FBXL5: variants seen among roughly 807,000 people sequenced by gnomAD.
FBXL5 encodes the protein F-box/LRR-repeat protein 5.
Under a neutral mutation model 78.3 loss-of-function variants are expected in FBXL5, and 26 were observed. The observed-to-expected ratio is 0.33, with a 90% CI of 0.24 to 0.46. The LOEUF is 0.46. FBXL5 is among the 20% of genes least tolerant of loss of function. The pLI, the probability that FBXL5 is intolerant of heterozygous loss-of-function variation, is 1.00. For missense variants in FBXL5, 710 were observed against 829.2 expected (o/e 0.86, Z 1.77); for synonymous variants, 295 against 282.5 (o/e 1.04, Z -0.45).
chr4:15,681,009 CAA>C (rs1471270914), intron 1 of FBXL5, among the ~76,000 whole-genome samples: 20 of 150,322 alleles, frequency 1.3e-4, no homozygotes, highest in Admixed American at 4.0e-4. Context: ...TGGTTTGTGA[CAA>C]AGATGCACTT....
chr4:15,640,951 A>C, intron 2 of FBXL5, 68 bp from the exon 3 acceptor site: 2 of 833,962 alleles, frequency 2.4e-6, no homozygotes, highest in Non-Finnish European at 3.6e-6. Flanking sequence ...GGTCCCAGGA[A>C]GTTTAAAATG....
chr4:15,639,801 C>T (rs763294777), intron 3 of FBXL5, among the ~76,000 whole-genome samples: 5 of 152,082 alleles, frequency 3.3e-5, no homozygotes, highest in South Asian at 2.1e-4. Context: ...AAAATACTAT[C>T]GGGGTTTCTT....
chr4:15,633,136 G>A lies in FBXL5; in HGVS notation c.767-2345C>T, dbSNP rs576490854. ...ACTATGACAGGTGGGTTCGATTAAC[G>A]ATAATAATCAATTAACCAAAGTTCA... On this transcript the variant is annotated intron_variant, in intron 5 of 10. Coordinates refer to ENST00000341285, the MANE Select transcript of FBXL5 (RefSeq NM_012161.4). 7.9e-5 allele frequency among the ~76,000 whole-genome samples: 12 copies of A among 152,232 alleles called. No homozygotes were observed. In the South Asian group the frequency reaches 1.0e-3, roughly 13 times the overall value.
chr4:15,654,975 G>C (rs1304852500), intron 1 of FBXL5, among the ~76,000 whole-genome samples: 1 of 151,586 alleles, frequency 6.6e-6, no homozygotes, highest in Non-Finnish European at 1.5e-5. Flanking sequence ...AGGGGACGCC[G>C]CCCGCCCCGA....
rs1721787173 is a variant in FBXL5 at position 15,604,951 on chromosome 4, T to C, written c.*772A>G. ...AAAGACAAAGTATGTAGTCCTATTC[T>C]ATACTAAAGTAAACCTGGATTGAGA... On this transcript the variant is annotated 3_prime_UTR_variant, in exon 11 of 11. Coordinates refer to ENST00000341285, the MANE Select transcript of FBXL5 (RefSeq NM_012161.4). The C allele has an allele frequency of 6.6e-6, 1 of 152,250 alleles. No individual in the cohort carries two copies. The highest frequency in any genetic ancestry group is 2.4e-5 in the African/African-American group (1 of 41,464). The allele number at this position is 152,250 out of a possible 1,614,324, so 9.4% of individuals were successfully genotyped here. A position where few individuals can be genotyped will look rare whatever the true frequency, so the allele number is the denominator to read the frequency against.
chr4:15,653,388 G>A (rs1273158794), intron 1 of FBXL5, among the ~76,000 whole-genome samples: 2 of 152,120 alleles, frequency 1.3e-5, no homozygotes, highest in East Asian at 3.8e-4. Context: ...GAAAAAGAGC[G>A]ACTAACTTCT....
At chr4:15,654,504 G>A (rs914562592) in intron 1 of FBXL5, among the ~76,000 whole-genome samples, 1 of 152,198 alleles carries the variant, frequency 6.6e-6, no homozygotes, top group Non-Finnish European at 1.5e-5. Flanking sequence ...AGAAATCCAA[G>A]AGAGAATTGC....
At chr4:15,680,844 T>C (rs951504585) in intron 1 of FBXL5, among the ~76,000 whole-genome samples, 1 of 150,752 alleles carries the variant, frequency 6.6e-6, no homozygotes, top group Non-Finnish European at 1.5e-5. Flanking sequence ...CTGTTTAAGG[T>C]AGAATTTAAA....
chr4:15,679,613 T>C (rs1718132024), intron 1 of FBXL5, among the ~76,000 whole-genome samples: 1 of 151,332 alleles, frequency 6.6e-6, no homozygotes, highest in Admixed American at 6.6e-5. Flanking sequence ...ATGGTCCCAA[T>C]TCAATACTGC....
chr4:15,638,601 T>G lies in FBXL5; in HGVS notation c.490A>C (p.Thr164Pro). The change falls in exon 4 of 11, where the codon ACT becomes CCT. Residue 164 changes from threonine to proline, a missense_variant. Physicochemically the swap from Thr to Pro is conservative, Grantham distance 38 (BLOSUM62 -1). Coordinates refer to ENST00000341285, the MANE Select transcript of FBXL5 (RefSeq NM_012161.4). ...VIAQHCSQKD[T>P]AELLRGLSLW... ...CTAAGACCTCTAAGGAGTTCTGCAG[T>G]ATCCTTCTGAGAGCAGTGTTGTGCA... 1 of 1,613,256 alleles carries G rather than the reference T, an allele frequency of 6.2e-7. No homozygotes were observed. The highest frequency in any genetic ancestry group is 2.2e-5 in the East Asian group (1 of 44,856).
chr4:15,647,020 C>T (rs1365912264), intron 1 of FBXL5, among the ~76,000 whole-genome samples: 3 of 151,466 alleles, frequency 2.0e-5, no homozygotes, highest in Non-Finnish European at 4.4e-5. Flanking sequence ...GTCAGGAGTT[C>T]GAGACCAGCC....
At chr4:15,621,636 A>G (rs1307872019) in intron 9 of FBXL5, among the ~76,000 whole-genome samples, 1 of 152,212 alleles carries the variant, frequency 6.6e-6, no homozygotes, top group Non-Finnish European at 1.5e-5. Flanking sequence ...AAGGACAAGT[A>G]TTGTATGATT....
chr4:15,662,668 G>T (rs1421469297), upstream of FBXL5, among the ~76,000 whole-genome samples: 1 of 151,890 alleles, frequency 6.6e-6, no homozygotes, highest in African/African-American at 2.4e-5. Context: ...GATAAAAATT[G>T]TTTTTTTCAA....
intron 4 of FBXL5, 41 bp downstream of exon 4, chr4:15,638,467 C>T: frequency 2.1e-6 from 3 of 1,444,958 alleles, no homozygotes; most frequent in East Asian, 2.4e-5. Context: ...TGTCAATGAC[C>T]TTACAACTAA....
intron 1 of FBXL5, among the ~76,000 whole-genome samples, chr4:15,672,323 G>A (rs1717802918): frequency 6.6e-6 from 1 of 152,174 alleles, no homozygotes; most frequent in Non-Finnish European, 1.5e-5. Flanking sequence ...CACAATTACA[G>A]TCATGTGTTG....
chr4:15,655,365 G>A (rs1210906689), upstream of FBXL5: 428 of 1,156,920 alleles, frequency 3.7e-4, no homozygotes, highest in Non-Finnish European at 4.5e-4. Flanking sequence ...GGCAGAGGCG[G>A]CGCGCCCCCT....
In FBXL5 at chr4:15,625,867, G is replaced by A; in HGVS notation, c.1235C>T (p.Thr412Ile). The A allele has an allele frequency of 6.2e-7, 1 of 1,614,094 alleles. No individual in the cohort carries two copies. The highest frequency in any genetic ancestry group is 8.5e-7 in the Non-Finnish European group (1 of 1,180,018). Reference sequence around the variant, plus strand: ...TTTCAAAAAGCCACTTTGATGAGATGTCAGAATTCCAAGAGCTCTGGAAAT... The same window carrying A: ...TTTCAAAAAGCCACTTTGATGAGATATCAGAATTCCAAGAGCTCTGGAAAT... ...EKISRALGIL[T>I]SHQSGFLKTS... The change falls in exon 9 of 11, where the codon ACA becomes ATA. Residue 412 changes from threonine (T) to isoleucine (I), a missense_variant. By Grantham distance (89) the Thr-to-Ile change is moderately conservative. Coordinates refer to ENST00000341285, the MANE Select transcript of FBXL5 (RefSeq NM_012161.4).
chr4:15,654,803 T>C (rs1258917138), intron 1 of FBXL5, among the ~76,000 whole-genome samples: 1 of 151,960 alleles, frequency 6.6e-6, no homozygotes, highest in African/African-American at 2.4e-5. Context: ...TCGGTGCAGA[T>C]GGGAGTCCAC....
At chr4:15,609,303 C>G (rs185561004) in intron 10 of FBXL5, among the ~76,000 whole-genome samples, 1 of 151,614 alleles carries the variant, frequency 6.6e-6, no homozygotes, top group Admixed American at 6.6e-5. Flanking sequence ...TATTTAAATG[C>G]GTGGTAAAGA....
Sources: allele counts gnomAD v4.1 joint callset (sites outside exome capture counted in the v4.1 genomes callset), GRCh38; gene constraint gnomAD v4.1.1; transcripts MANE v1.5; gene names NCBI Gene and HGNC (gene_info 2026-07-23, HGNC 2026-07-21).